The following BSPRY variants were observed in gnomAD, a reference collection of about 807,000 sequenced individuals.
The protein encoded by BSPRY is B box and SPRY domain-containing protein.
A neutral mutation model predicts 38.0 loss-of-function variants in BSPRY; 33 were observed. The ratio of observed to expected loss-of-function variants is 0.87; its 90% CI spans 0.66 to 1.16. The LOEUF (loss-of-function observed/expected upper bound fraction) is 1.16, where lower values mean the gene tolerates loss of function less well. Among genes scored for constraint, BSPRY ranks in the 50% most tolerant of loss-of-function variants. BSPRY has a pLI of 0.00. For synonymous variants in BSPRY, 224 were observed against 228.5 expected, an observed-to-expected ratio of 0.98 and a Z score of 0.18; for missense variants, 523 against 533.2, an observed-to-expected ratio of 0.98 and a Z score of 0.19.
At chr9:113,352,080 G>A (rs1341670398) in intron 1 of BSPRY, among the ~76,000 whole-genome samples, 1 of 152,076 alleles carries the variant, frequency 6.6e-6, no homozygotes, top group Admixed American at 6.5e-5. Flanking sequence ...CAAAGTGTTG[G>A]GATTACAGGT....
Position 113,370,110 on chromosome 9 carries a change from G to T in BSPRY, c.1177G>T (p.Val393Leu). The change falls in exon 6 of 6, where the codon GTG becomes TTG. Residue 393 changes from valine (V) to leucine (L), a missense_variant. Physicochemically the swap from Val to Leu is conservative, Grantham distance 32. Coordinates refer to ENST00000374183, the MANE Select transcript of BSPRY (RefSeq NM_017688.3). The surrounding 1 kb of genome is among the most constrained non-coding windows in gnomAD (Gnocchi z 4.8). ...GGGGCCCCTCTTCCCAGTCTTTGCT[G>T]TGGCCGATCAGACCATTTCTATCGT... ...FPGPLFPVFAVADQTISIVR is the reference protein window; with the variant it reads ...FPGPLFPVFALADQTISIVR The T allele has an allele frequency of 6.3e-7, 1 of 1,595,652 alleles. No individual in the cohort carries two copies. Among genetic ancestry groups the T allele is most frequent in the East Asian group, 2.2e-5 (1 of 44,660 alleles).
chr9:113,361,596 C>T (rs191535690), intron 3 of BSPRY, among the ~76,000 whole-genome samples: 54 of 152,136 alleles, frequency 3.5e-4, no homozygotes, highest in African/African-American at 1.2e-3. Context: ...GGAAGGTTCC[C>T]GGATGAAGCG....
At position 113,354,230 on chromosome 9, in the gene BSPRY, T is replaced by C. The variant is rs758686100; in HGVS notation, c.202-10T>C. 15 of 1,612,694 alleles carry C rather than the reference T, an allele frequency of 9.3e-6. No homozygotes were observed. In the Admixed American group the frequency reaches 2.3e-4, roughly 25 times the overall value. ...GGACCAAGATGCCACAAGCGTTGTT[T>C]GTGTTGCAGAACAAGATTGTGGACC... On this transcript the variant is annotated splice_polypyrimidine_tract_variant and intron_variant, in intron 1 of 5. Transcript: ENST00000374183.
chr9:113,354,199 G>A (rs1834018949), intron 1 of BSPRY, 41 bp from the exon 2 acceptor site: 1 of 1,543,952 alleles, frequency 6.5e-7, no homozygotes, highest in Non-Finnish European at 9.0e-7. Context: ...AATGGCTCAG[G>A]TACATGGACC....
chr9:113,366,576 G>A (rs1834256372), intron 4 of BSPRY, among the ~76,000 whole-genome samples: 1 of 152,178 alleles, frequency 6.6e-6, no homozygotes. Flanking sequence ...CATGAGTTTT[G>A]TCTTCGGTAC....
intron 1 of BSPRY, among the ~76,000 whole-genome samples, chr9:113,350,528 C>T (rs898285636): frequency 6.6e-6 from 1 of 152,132 alleles, no homozygotes; most frequent in Non-Finnish European, 1.5e-5. Flanking sequence ...TCACCATTCT[C>T]CTGAGCTGCT....
intron 5 of BSPRY, 65 bp downstream of exon 5, chr9:113,368,448 A>G: frequency 1.3e-6 from 2 of 1,567,604 alleles, no homozygotes; most frequent in South Asian, 2.3e-5. Flanking sequence ...TCTGGGGTTC[A>G]CTCCTGGTTC....
Position 113,349,725 on chromosome 9 carries a change from G to A in BSPRY, c.146G>A (p.Gly49Asp). Reference protein sequence around the residue: ...PVCAACAGLGGRCRGHRIRRA... With the variant: ...PVCAACAGLGDRCRGHRIRRA... ...TGCGCCGCCTGCGCGGGGTTGGGCG[G>A]TCGCTGCCGGGGGCACCGCATCCGC... is the stretch of plus-strand genomic sequence containing the variant. The change falls in exon 1 of 6, where the codon GGT becomes GAT. Residue 49 changes from glycine to aspartate, a missense_variant. Physicochemically the swap from Gly to Asp is moderately conservative, Grantham distance 94. Transcript: ENST00000374183. 1.6e-6 allele frequency: 2 copies of A among 1,240,410 alleles called. No homozygotes were observed. The highest frequency in any genetic ancestry group is 2.0e-6 in the Non-Finnish European group (2 of 994,456). 76.8% of individuals were successfully genotyped at this position (1,240,410 alleles called of 1,614,324 possible).
At position 113,349,764 on chromosome 9, in the gene BSPRY, G is replaced by T; in HGVS notation, c.185G>T (p.Arg62Leu). 1 of 1,234,468 alleles carries T rather than the reference G, an allele frequency of 8.1e-7. No individual in the cohort carries two copies. The highest frequency in any genetic ancestry group is 1.6e-5 in the African/African-American group (1 of 63,814). The allele number at this position is 1,234,468 out of a possible 1,614,324, so 76.5% of individuals were successfully genotyped here. A position where few individuals can be genotyped will look rare whatever the true frequency, so the allele number is the denominator to read the frequency against. Residue 62 changes from arginine (R) to leucine (L), a missense_variant, in exon 1 of 6, where the codon CGC becomes CTC. Arg to Leu is a moderately radical substitution (Grantham distance 102, BLOSUM62 -2). Coordinates refer to ENST00000374183, the MANE Select transcript of BSPRY (RefSeq NM_017688.3). ...RGHRIRRAEE[R>L]AEELRNKIVD... ...CACCGCATCCGCCGGGCGGAGGAGC[G>T]CGCCGAGGAGCTGCGGGTGAGCGGG... is the stretch of plus-strand genomic sequence containing the variant.
intron 4 of BSPRY, among the ~76,000 whole-genome samples, chr9:113,367,039 C>T (rs1423367544): frequency 6.6e-6 from 1 of 152,166 alleles, no homozygotes; most frequent in Non-Finnish European, 1.5e-5. Context: ...CATGGTAAAC[C>T]CCTACTTTGC....
chr9:113,367,563 G>A (rs1052420373), intron 4 of BSPRY, among the ~76,000 whole-genome samples: 2 of 152,170 alleles, frequency 1.3e-5, no homozygotes, highest in African/African-American at 4.8e-5. Flanking sequence ...TCCAGGCAAG[G>A]GCAAGATGTT....
rs990266238 is a variant in BSPRY at position 113,355,843 on chromosome 9, T to A, written c.300+1505T>A. The stretch of plus-strand genomic sequence containing the variant: ...GTTGGCCAGGCTGTTCTTGAACTCC[T>A]GACCTTAGGTGATCTGCCCACCTCG... On this transcript the variant is annotated intron_variant, in intron 2 of 5. Transcript: ENST00000374183. Among the ~76,000 whole-genome samples the A allele has an allele frequency of 2.6e-5, 4 of 152,106 alleles. No individual in the cohort carries two copies. The East Asian group carries it at 7.7e-4, about 29-fold the overall frequency.
At chr9:113,354,808 C>A (rs1291274109) in intron 2 of BSPRY, among the ~76,000 whole-genome samples, 1 of 152,124 alleles carries the variant, frequency 6.6e-6, no homozygotes, top group Admixed American at 6.6e-5. Flanking sequence ...TGACCTGGAT[C>A]TTCTGTCTCC....
chr9:113,349,837 C>T (rs1200855664), intron 1 of BSPRY, 57 bp downstream of exon 1: 8 of 1,207,046 alleles, frequency 6.6e-6, no homozygotes, highest in Non-Finnish European at 8.2e-6. Context: ...GCGCGCCTGG[C>T]GGGACCCGGC....
At chr9:113,366,706 C>T (rs371932144) in intron 4 of BSPRY, among the ~76,000 whole-genome samples, 1 of 152,232 alleles carries the variant, frequency 6.6e-6, no homozygotes, top group Admixed American at 6.5e-5. Context: ...CACCTGTTGG[C>T]GGGAGCTCCT....
At chr9:113,358,521 G>A (rs1459226446) in intron 2 of BSPRY, among the ~76,000 whole-genome samples, 3 of 152,042 alleles carry the variant, frequency 2.0e-5, no homozygotes, top group Non-Finnish European at 4.4e-5. Flanking sequence ...ACCTGCCTCA[G>A]CCTCCCAAAG....
intron 3 of BSPRY, 146 bp from the exon 4 acceptor site, chr9:113,362,223 C>A: frequency 2.8e-5 from 16 of 575,194 alleles, no homozygotes; most frequent in Middle Eastern, 4.3e-4. Context: ...GTAGAATAGC[C>A]TAGAAAGCTT....
chr9:113,369,085 T>G (rs1834298439), intron 5 of BSPRY, among the ~76,000 whole-genome samples: 1 of 152,106 alleles, frequency 6.6e-6, no homozygotes, highest in Non-Finnish European at 1.5e-5. Context: ...TGGTATCAAA[T>G]GATGCCTGAT....
chr9:113,355,179 A>G (rs188440046), intron 2 of BSPRY, among the ~76,000 whole-genome samples: 1 of 152,270 alleles, frequency 6.6e-6, no homozygotes, highest in East Asian at 1.9e-4. Context: ...TTTTTTATTC[A>G]GTGGACTCAT....
Sources: gnomAD v4.1 joint callset for allele counts (sites outside exome capture counted in the v4.1 genomes callset) on GRCh38, gnomAD v4.1.1 for gene constraint, Gnocchi (gnomAD v3.1) non-coding constraint, MANE v1.5 for transcripts, NCBI Gene and HGNC (gene_info 2026-07-23, HGNC 2026-07-21) for gene names.